The following ZNRF3 variants were observed in gnomAD, a reference collection of about 807,000 sequenced individuals.
ZNRF3 encodes the protein zinc and ring finger 3.
ZNRF3 carries 23 observed loss-of-function variants against 72.5 expected under a neutral mutation model. The ratio of observed to expected loss-of-function variants is 0.32; its 90% CI spans 0.23 to 0.45. ZNRF3 has a LOEUF of 0.45. ZNRF3 is among the 20% of genes least tolerant of loss of function. The pLI is 1.00. For synonymous variants in ZNRF3, 610 were observed against 545.3 expected (o/e 1.12, Z -1.65); for missense variants, 1,169 against 1,272.1 (o/e 0.92, Z 1.23).
intron 2 of ZNRF3, chr22:29,031,437 GA>G (rs1473581963): frequency 4.2e-6 from 1 of 235,328 alleles, no homozygotes; most frequent in Non-Finnish European, 6.9e-6. Context: ...CCTATGGAAT[GA>G]AAAGTTTCTG....
In ZNRF3 at chr22:29,049,529, A is replaced by G; in HGVS notation, c.1348A>G (p.Lys450Glu). ...CCCAGCCCACCCCTTCCGCAGGCCCAAGTTGAGTGGCCGCAGCTTCTCCAA... is the reference window on the plus strand; with the variant it reads ...CCCAGCCCACCCCTTCCGCAGGCCCGAGTTGAGTGGCCGCAGCTTCTCCAA... ...YSPAHPFRRP[K>E]LSGRSFSKAA... The change falls in exon 8 of 9, where the codon AAG becomes GAG. Residue 450 changes from lysine to glutamate, a missense_variant. Transcript: ENST00000544604. This position sits in a 1 kb window ranked among gnomAD's most constrained non-coding sequence, Gnocchi z 5.2. 1 of 1,604,416 alleles carries G rather than the reference A, an allele frequency of 6.2e-7. No homozygotes were observed. Among genetic ancestry groups the G allele is most frequent in the Non-Finnish European group, 8.5e-7 (1 of 1,178,552 alleles).
In ZNRF3 at chr22:28,926,411, G is replaced by A. The variant is rs183742597; in HGVS notation, c.300+42345G>A. On this transcript the variant is annotated intron_variant, in intron 1 of 8. Transcript: ENST00000544604. ...TTACCTAGGCAGACCTCGAACTCCT[G>A]GGGTCAAGTGATCCTGCCACCTCAT... 6.3e-3 allele frequency among the ~76,000 whole-genome samples: 951 copies of A among 151,866 alleles called. 1 individual carries two copies. The highest frequency in any genetic ancestry group is 8.8e-3 in the Non-Finnish European group (595 of 67,960).
chr22:28,946,135 C>T (rs2035048676), intron 1 of ZNRF3, among the ~76,000 whole-genome samples: 1 of 152,040 alleles, frequency 6.6e-6, no homozygotes, highest in Non-Finnish European at 1.5e-5. Context: ...GGATCTGGTC[C>T]CAAGCATTTC....
At chr22:28,889,756 A>G (rs377431441) in intron 1 of ZNRF3, among the ~76,000 whole-genome samples, 9 of 152,218 alleles carry the variant, frequency 5.9e-5, no homozygotes, top group African/African-American at 1.9e-4. Context: ...CTGCATTTAC[A>G]TGGCAAAGTG....
intron 2 of ZNRF3, among the ~76,000 whole-genome samples, chr22:28,987,791 T>C (rs981583290): frequency 6.6e-6 from 1 of 152,230 alleles, no homozygotes; most frequent in African/African-American, 2.4e-5. Flanking sequence ...AAGTAAGTTA[T>C]GGGAAAATGT....
intron 1 of ZNRF3, among the ~76,000 whole-genome samples, chr22:28,902,382 C>G (rs1569239838): frequency 1.4e-5 from 2 of 146,674 alleles, no homozygotes; most frequent in Admixed American, 6.8e-5. Context: ...TTTGCCAGGC[C>G]TTTTTTTTTT....
chr22:29,032,429 T>C (rs966952471), intron 2 of ZNRF3, among the ~76,000 whole-genome samples: 1 of 152,146 alleles, frequency 6.6e-6, no homozygotes, highest in Admixed American at 6.5e-5. Flanking sequence ...TTTTAGTGCC[T>C]GGGGTCAAGG....
intron 1 of ZNRF3, among the ~76,000 whole-genome samples, chr22:28,906,931 A>G (rs951646209): frequency 6.6e-6 from 1 of 151,292 alleles, no homozygotes; most frequent in Non-Finnish European, 1.5e-5. Context: ...TAAAATGTTA[A>G]TTGCCACCTG....
At chr22:29,034,851 G>A (rs2036837463) in intron 2 of ZNRF3, among the ~76,000 whole-genome samples, 1 of 152,168 alleles carries the variant, frequency 6.6e-6, no homozygotes, top group South Asian at 2.1e-4. Context: ...CTGTGACCAC[G>A]CTTGCTGCCG....
chr22:28,941,307 A>C (rs535968738), intron 1 of ZNRF3, among the ~76,000 whole-genome samples: 2 of 152,156 alleles, frequency 1.3e-5, no homozygotes, highest in Non-Finnish European at 2.9e-5. Context: ...GAATTCAGAG[A>C]AGGTTTTTGG....
chr22:28,920,175 A>G (rs1047897549), intron 1 of ZNRF3, among the ~76,000 whole-genome samples: 5 of 152,026 alleles, frequency 3.3e-5, no homozygotes, highest in Admixed American at 6.6e-5. Flanking sequence ...CATGTTGGCC[A>G]GGCTGATCTC....
intron 1 of ZNRF3, among the ~76,000 whole-genome samples, chr22:28,984,571 G>A (rs892177141): frequency 7.2e-5 from 11 of 152,172 alleles, no homozygotes; most frequent in Admixed American, 3.9e-4. Context: ...CCTCCAAGTT[G>A]TGTGGCCAGG....
intron 1 of ZNRF3, among the ~76,000 whole-genome samples, chr22:28,909,371 G>A (rs959350719): frequency 3.3e-5 from 5 of 152,098 alleles, no homozygotes; most frequent in African/African-American, 4.8e-5. Flanking sequence ...TCTCCTGGGG[G>A]CGTGTTGGGC....
chr22:28,934,857 G>T (rs2034791765), intron 1 of ZNRF3, among the ~76,000 whole-genome samples: 2 of 151,784 alleles, frequency 1.3e-5, no homozygotes, highest in Non-Finnish European at 2.9e-5. Context: ...ATTAAAAAGG[G>T]GAAACCCTCC....
At chr22:28,960,601 G>A (rs1022422039) in intron 1 of ZNRF3, among the ~76,000 whole-genome samples, 1 of 152,226 alleles carries the variant, frequency 6.6e-6, no homozygotes, top group Non-Finnish European at 1.5e-5. Flanking sequence ...CATATTGATA[G>A]GGGCTATATT....
chr22:28,946,239 T>C (rs573208393), intron 1 of ZNRF3, among the ~76,000 whole-genome samples: 2 of 152,342 alleles, frequency 1.3e-5, no homozygotes, highest in South Asian at 4.1e-4. Context: ...TGAGAATATT[T>C]TGTCTAAAGC....
rs368184764 is a variant in ZNRF3 at position 28,921,455 on chromosome 22, C to T, written c.300+37389C>T. Among the ~76,000 whole-genome samples the T allele has an allele frequency of 1.5e-3, 222 of 152,308 alleles. 6 individuals are homozygous for T. In the South Asian group the frequency reaches 0.033, roughly 22 times the overall value. On this transcript the variant is annotated intron_variant, in intron 1 of 8. Coordinates refer to ENST00000544604, the MANE Select transcript of ZNRF3 (RefSeq NM_001206998.2). ...CTTGCCTCTAGTCAAAGGGCTCCTC[C>T]GAATGAGCTTTGGCCTTTATTTGCA...
intron 8 of ZNRF3, among the ~76,000 whole-genome samples, chr22:29,051,188 C>T (rs1389161153): frequency 6.6e-6 from 1 of 152,120 alleles, no homozygotes; most frequent in Non-Finnish European, 1.5e-5. Context: ...CTGTCATGTC[C>T]ACAGCAGTAC....
intron 1 of ZNRF3, among the ~76,000 whole-genome samples, chr22:28,953,319 G>A (rs1004695942): frequency 2.6e-5 from 4 of 152,278 alleles, no homozygotes. Context: ...AGGAGTACTC[G>A]GCCAACTCTA....
Sources: allele counts gnomAD v4.1 joint callset (sites outside exome capture counted in the v4.1 genomes callset), GRCh38; gene constraint gnomAD v4.1.1; non-coding constraint Gnocchi (gnomAD v3.1); transcripts MANE v1.5; gene names NCBI Gene and HGNC (gene_info 2026-07-23, HGNC 2026-07-21).